Variants in ADGRB3 observed in about 807,000 individuals in gnomAD.
The protein encoded by ADGRB3 is adhesion G protein-coupled receptor B3, also known as brain-specific angiogenesis inhibitor 3.
Under a neutral mutation model 193.4 loss-of-function variants are expected in ADGRB3, and 37 were observed. That is an observed-to-expected ratio of 0.19 (90% CI 0.15 to 0.25). The LOEUF (loss-of-function observed/expected upper bound fraction) is 0.25. ADGRB3 is among the 10% of genes least tolerant of loss of function. The pLI is 1.00. For synonymous variants in ADGRB3, 690 were observed against 644.2 expected (o/e 1.07, Z -1.08); for missense variants, 1,637 against 1,852.9 (o/e 0.88, Z 2.14).
intron 15 of ADGRB3, among the ~76,000 whole-genome samples, chr6:69,056,624 TCC>T (rs1272238612): frequency 6.6e-6 from 1 of 152,220 alleles, no homozygotes. Flanking sequence ...TACATCTTAA[TCC>T]ATTTTATGTT....
chr6:68,838,792 G>T (rs1255169086), intron 3 of ADGRB3, among the ~76,000 whole-genome samples: 1 of 152,088 alleles, frequency 6.6e-6, no homozygotes. Context: ...GTGTTGTTTT[G>T]GAGATTATTT....
chr6:68,640,271 G>C (rs1453919929), intron 3 of ADGRB3, among the ~76,000 whole-genome samples: 1 of 152,164 alleles, frequency 6.6e-6, no homozygotes, highest in African/African-American at 2.4e-5. Context: ...GCTAGCTGGG[G>C]GAAAGGAGGG....
chr6:68,941,446 TCC>T (rs1767639486), intron 5 of ADGRB3, among the ~76,000 whole-genome samples: 1 of 152,154 alleles, frequency 6.6e-6, no homozygotes, highest in Admixed American at 6.5e-5. Context: ...TTCTGAAGAT[TCC>T]AGTTTCATAA....
intron 5 of ADGRB3, among the ~76,000 whole-genome samples, chr6:68,941,263 T>C (rs1307106974): frequency 6.6e-6 from 1 of 152,162 alleles, no homozygotes; most frequent in Non-Finnish European, 1.5e-5. Flanking sequence ...CTATAAACAT[T>C]ATGTGGAATG....
At chr6:69,096,595 T>TGA (rs1469536485) in intron 17 of ADGRB3, among the ~76,000 whole-genome samples, 2 of 152,202 alleles carry the variant, frequency 1.3e-5, no homozygotes, top group Non-Finnish European at 2.9e-5. Flanking sequence ...GTGTTTTTCC[T>TGA]GACCCCCAAG....
chr6:69,341,782 A>G (rs1018986449), intron 26 of ADGRB3, among the ~76,000 whole-genome samples: 1 of 152,182 alleles, frequency 6.6e-6, no homozygotes, highest in Non-Finnish European at 1.5e-5. Context: ...TAGACACATA[A>G]TATGTTTTTG....
intron 3 of ADGRB3, among the ~76,000 whole-genome samples, chr6:68,804,275 C>A (rs1337635804): frequency 6.6e-6 from 1 of 152,200 alleles, no homozygotes; most frequent in African/African-American, 2.4e-5. Flanking sequence ...TGCTTTTTTA[C>A]ACTTTTCATC....
chr6:69,110,269 TG>T (rs778400008), intron 17 of ADGRB3, among the ~76,000 whole-genome samples: 16 of 152,126 alleles, frequency 1.1e-4, no homozygotes, highest in Non-Finnish European at 1.2e-4. Context: ...ATTATATTTT[TG>T]AGGTTGTAGT....
At chr6:68,649,944 T>A (rs146433168) in intron 3 of ADGRB3, among the ~76,000 whole-genome samples, 1 of 152,290 alleles carries the variant, frequency 6.6e-6, no homozygotes, top group Non-Finnish European at 1.5e-5. Flanking sequence ...GGCTCCCCAC[T>A]GTTTCTAGCT....
intron 5 of ADGRB3, 122 bp downstream of exon 5, chr6:68,936,802 A>G (rs576140616): frequency 3.8e-6 from 4 of 1,057,302 alleles, no homozygotes; most frequent in South Asian, 4.1e-5. Context: ...GGATAAGTGT[A>G]ATTATTATTC....
intron 3 of ADGRB3, among the ~76,000 whole-genome samples, chr6:68,713,376 T>C (rs1239485490): frequency 6.6e-6 from 1 of 151,792 alleles, no homozygotes; most frequent in Non-Finnish European, 1.5e-5. Context: ...TTTCCTGGAG[T>C]TGATGCTTCT....
At chr6:68,794,847 G>A (rs1767176187) in intron 3 of ADGRB3, among the ~76,000 whole-genome samples, 1 of 152,108 alleles carries the variant, frequency 6.6e-6, no homozygotes, top group Non-Finnish European at 1.5e-5. Flanking sequence ...ACTGTGGTCA[G>A]TTTAAAAGTT....
chr6:68,739,633 G>A (rs977474346), intron 3 of ADGRB3, among the ~76,000 whole-genome samples: 16 of 152,140 alleles, frequency 1.1e-4, no homozygotes, highest in Admixed American at 1.0e-3. Flanking sequence ...AAACAGCTGA[G>A]AGTGAGGATA....
At chr6:69,326,684 C>T (rs374801608) in intron 21 of ADGRB3, among the ~76,000 whole-genome samples, 1 of 151,700 alleles carries the variant, frequency 6.6e-6, no homozygotes, top group Non-Finnish European at 1.5e-5. Flanking sequence ...GAAATAAATA[C>T]TATTAATTCT....
chr6:69,388,691 T>C lies in ADGRB3; in HGVS notation c.4381-12T>C, dbSNP rs1770126934. 1 of 1,608,624 alleles carries C rather than the reference T, an allele frequency of 6.2e-7. No homozygotes were observed. Among genetic ancestry groups the C allele is most frequent in the Non-Finnish European group, 8.5e-7 (1 of 1,177,462 alleles). On this transcript the variant is annotated splice_polypyrimidine_tract_variant and intron_variant, in intron 31 of 31. Transcript: ENST00000370598. ...TCACATAAATGACTCTCTTTCCCTC[T>C]CTTCTCAACAGGAAAACCCCGCACC...
At chr6:68,670,076 A>G (rs1411246461) in intron 3 of ADGRB3, among the ~76,000 whole-genome samples, 3 of 152,000 alleles carry the variant, frequency 2.0e-5, no homozygotes, top group Non-Finnish European at 2.9e-5. Flanking sequence ...TCTTTTGAGA[A>G]ATGTCTATTC....
intron 17 of ADGRB3, among the ~76,000 whole-genome samples, chr6:69,103,789 T>C (rs1773133965): frequency 1.3e-5 from 2 of 150,034 alleles, no homozygotes; most frequent in South Asian, 4.2e-4. Flanking sequence ...ATAATATTAT[T>C]ATATTTATTT....
intron 3 of ADGRB3, among the ~76,000 whole-genome samples, chr6:68,721,349 C>A (rs1159357640): frequency 1.3e-5 from 2 of 151,674 alleles, no homozygotes; most frequent in Non-Finnish European, 2.9e-5. Context: ...AGCTGGAAAC[C>A]ATTATTCTCA....
At chr6:69,259,545 A>C (rs1438372490) in intron 20 of ADGRB3, among the ~76,000 whole-genome samples, 2 of 151,832 alleles carry the variant, frequency 1.3e-5, no homozygotes, top group African/African-American at 4.8e-5. Flanking sequence ...AAACGCAAAA[A>C]AATAGCCGGG....
Sources: allele counts gnomAD v4.1 joint callset (sites outside exome capture counted in the v4.1 genomes callset), GRCh38; gene constraint gnomAD v4.1.1; transcripts MANE v1.5; gene names NCBI Gene and HGNC (gene_info 2026-07-23, HGNC 2026-07-21).